Variants in SGCZ observed in about 807,000 individuals in gnomAD.
The protein encoded by SGCZ is sarcoglycan zeta, also known as zeta-sarcoglycan.
SGCZ carries 40 observed loss-of-function variants against 41.3 expected under a neutral mutation model. That is an observed-to-expected ratio of 0.97 (90% CI 0.75 to 1.26). The LOEUF (loss-of-function observed/expected upper bound fraction) is 1.26. Ranked by LOEUF, SGCZ falls within the 50% of genes most tolerant of loss-of-function variation. The pLI is 0.00. For missense variants in SGCZ, 552 were observed against 369.8 expected (o/e 1.49, Z -4.04); for synonymous variants, 206 against 137.5 (o/e 1.50, Z -3.49).
chr8:14,980,812 C>T (rs1186252055), intron 1 of SGCZ, among the ~76,000 whole-genome samples: 2 of 152,160 alleles, frequency 1.3e-5, no homozygotes, highest in African/African-American at 2.4e-5. Context: ...TGGGTGGGGA[C>T]ACAGAGCCAA....
intron 2 of SGCZ, among the ~76,000 whole-genome samples, chr8:14,469,669 G>T (rs989940026): frequency 2.6e-5 from 4 of 151,778 alleles, no homozygotes; most frequent in African/African-American, 4.8e-5. Context: ...TGATTAGAGG[G>T]TTAGAACTTT....
chr8:14,108,399 C>G (rs1802273618), intron 5 of SGCZ, among the ~76,000 whole-genome samples, 164 bp from the exon 6 acceptor site: 1 of 152,116 alleles, frequency 6.6e-6, no homozygotes, highest in South Asian at 2.1e-4. Flanking sequence ...ATATCCGAGA[C>G]TGAGAAGAAA....
intron 2 of SGCZ, among the ~76,000 whole-genome samples, chr8:14,340,655 G>A (rs148038765): frequency 6.6e-6 from 1 of 152,108 alleles, no homozygotes; most frequent in Non-Finnish European, 1.5e-5. Context: ...AGTAACTAGA[G>A]AGCCTATGAC....
intron 1 of SGCZ, among the ~76,000 whole-genome samples, chr8:14,921,125 T>C (rs1296227887): frequency 6.6e-6 from 1 of 152,204 alleles, no homozygotes; most frequent in Non-Finnish European, 1.5e-5. Context: ...GGTTGAGGAC[T>C]GTTGCGATTG....
At chr8:14,916,746 G>A (rs1331371329) in intron 1 of SGCZ, among the ~76,000 whole-genome samples, 1 of 152,042 alleles carries the variant, frequency 6.6e-6, no homozygotes, top group Non-Finnish European at 1.5e-5. Flanking sequence ...AACTGTTATT[G>A]TGTAACTAGT....
At chr8:14,427,622 ATTACC>A (rs1415860720) in intron 2 of SGCZ, among the ~76,000 whole-genome samples, 69 of 152,206 alleles carry the variant, frequency 4.5e-4, no homozygotes, top group Non-Finnish European at 7.1e-4. Context: ...TTTCCTTGTC[ATTACC>A]AAGAGGGCTT....
At chr8:14,927,715 C>G (rs1799800780) in intron 1 of SGCZ, among the ~76,000 whole-genome samples, 1 of 152,088 alleles carries the variant, frequency 6.6e-6, no homozygotes, top group Non-Finnish European at 1.5e-5. Context: ...TGCAGTAAAA[C>G]ATTGAGAAAA....
intron 1 of SGCZ, among the ~76,000 whole-genome samples, chr8:14,995,102 G>C (rs1321647120): frequency 6.6e-6 from 1 of 152,252 alleles, no homozygotes; most frequent in East Asian, 1.9e-4. Flanking sequence ...AGAAATGCTT[G>C]CAGAAGTCAA....
intron 1 of SGCZ, among the ~76,000 whole-genome samples, chr8:15,098,551 A>C (rs1434173747): frequency 6.6e-6 from 1 of 152,222 alleles, no homozygotes; most frequent in African/African-American, 2.4e-5. Context: ...ATATCTTATA[A>C]AATGTCAAAT....
intron 1 of SGCZ, among the ~76,000 whole-genome samples, chr8:14,714,459 A>G (rs1451979741): frequency 2.6e-5 from 4 of 152,220 alleles, no homozygotes; most frequent in Non-Finnish European, 5.9e-5. Context: ...AAAAACTTAC[A>G]TGAATTTCCG....
chr8:14,095,043 A>G (rs1192190492), intron 7 of SGCZ, among the ~76,000 whole-genome samples: 1 of 152,070 alleles, frequency 6.6e-6, no homozygotes, highest in Non-Finnish European at 1.5e-5. Flanking sequence ...TCAGATGGGT[A>G]CATTGCAGAA....
intron 2 of SGCZ, among the ~76,000 whole-genome samples, chr8:14,450,252 AT>A (rs1175471313): frequency 6.6e-6 from 1 of 152,210 alleles, no homozygotes; most frequent in African/African-American, 2.4e-5. Context: ...AGTGCAATTC[AT>A]TTCACAACCA....
At chr8:14,848,921 G>C (rs1803226376) in intron 1 of SGCZ, among the ~76,000 whole-genome samples, 1 of 152,036 alleles carries the variant, frequency 6.6e-6, no homozygotes. Flanking sequence ...AAGCTATAAG[G>C]ATGAAATCTG....
intron 1 of SGCZ, among the ~76,000 whole-genome samples, chr8:15,093,366 A>G (rs922308663): frequency 6.6e-6 from 1 of 152,200 alleles, no homozygotes; most frequent in Non-Finnish European, 1.5e-5. Flanking sequence ...TTGACACTCA[A>G]ATTTAAACGT....
At chr8:14,376,104 G>A (rs1219644101) in intron 2 of SGCZ, among the ~76,000 whole-genome samples, 3 of 152,126 alleles carry the variant, frequency 2.0e-5, no homozygotes, top group East Asian at 1.9e-4. Context: ...ACAAGGTCTG[G>A]AGTTCGAGAC....
chr8:14,687,162 G>GAA lies in SGCZ; in HGVS notation c.40-132238_40-132237dup, dbSNP rs376743258. On this transcript the variant is annotated intron_variant, in intron 1 of 7. Transcript: ENST00000382080. ...TCCCAAGGCTTTTACTCACTTTAAA[G>GAA]AAAAAAAAAATATATATATATATAT... Among the ~76,000 whole-genome samples the GAA allele has an allele frequency of 9.4e-3, 1,288 of 136,372 alleles. 10 individuals are homozygous for GAA. The highest frequency in any genetic ancestry group is 0.06 in the East Asian group (254 of 4,240). 89.5% of individuals were successfully genotyped at this position (136,372 alleles called of 152,430 possible). A position where few individuals can be genotyped will look rare whatever the true frequency, so the allele number is the denominator to read the frequency against.
At chr8:14,798,311 CT>C (rs1801204957) in intron 1 of SGCZ, among the ~76,000 whole-genome samples, 1 of 152,156 alleles carries the variant, frequency 6.6e-6, no homozygotes, top group Non-Finnish European at 1.5e-5. Context: ...CAATAATCCT[CT>C]CCCCACGGTT....
chr8:14,577,593 G>A (rs1285203922), intron 1 of SGCZ, among the ~76,000 whole-genome samples: 1 of 151,826 alleles, frequency 6.6e-6, no homozygotes, highest in African/African-American at 2.4e-5. Context: ...TCACCATATT[G>A]GCCAGGCTGG....
chr8:15,063,389 C>A (rs1377036296), intron 1 of SGCZ, among the ~76,000 whole-genome samples: 1 of 151,976 alleles, frequency 6.6e-6, no homozygotes, highest in Non-Finnish European at 1.5e-5. Flanking sequence ...GTCTACATGA[C>A]CATTTCTTAC....
Sources: gnomAD v4.1 joint callset for allele counts (sites outside exome capture counted in the v4.1 genomes callset) on GRCh38, gnomAD v4.1.1 for gene constraint, MANE v1.5 for transcripts, NCBI Gene and HGNC (gene_info 2026-07-23, HGNC 2026-07-21) for gene names.